Variants in KCNQ3 observed in about 807,000 individuals in gnomAD.
The protein encoded by KCNQ3 is potassium voltage-gated channel subfamily KQT member 3.
KCNQ3 carries 30 observed loss-of-function variants against 92.5 expected under a neutral mutation model. The ratio of observed to expected loss-of-function variants is 0.32; its 90% CI spans 0.24 to 0.44. The LOEUF is 0.44. KCNQ3 is among the 20% of genes least tolerant of loss of function. KCNQ3 has a pLI of 1.00. For missense variants in KCNQ3, 913 were observed against 1,140.3 expected (o/e 0.80, Z 2.87); for synonymous variants, 450 against 468.8 (o/e 0.96, Z 0.52).
chr8:132,352,717 C>T (rs1186128163), intron 1 of KCNQ3, among the ~76,000 whole-genome samples: 1 of 152,168 alleles, frequency 6.6e-6, no homozygotes, highest in East Asian at 1.9e-4. Context: ...GCTATTTTAA[C>T]ACTGTTGTGG....
At chr8:132,192,881 A>T (rs1827201014) in intron 1 of KCNQ3, among the ~76,000 whole-genome samples, 1 of 152,192 alleles carries the variant, frequency 6.6e-6, no homozygotes, top group Admixed American at 6.5e-5. Context: ...TCCTGACCAC[A>T]GGTGATCCAC....
intron 1 of KCNQ3, among the ~76,000 whole-genome samples, chr8:132,403,016 CA>C (rs375099145): frequency 1.5e-5 from 1 of 67,632 alleles, no homozygotes; most frequent in Non-Finnish European, 2.4e-5. Flanking sequence ...GGCACCATCA[CA>C]AAAAAAAAAA....
chr8:132,233,713 C>CT (rs1215346850), intron 1 of KCNQ3, among the ~76,000 whole-genome samples: 1 of 152,180 alleles, frequency 6.6e-6, no homozygotes, highest in Non-Finnish European at 1.5e-5. Context: ...AGACATCAGC[C>CT]TAAACGGGTC....
intron 1 of KCNQ3, among the ~76,000 whole-genome samples, chr8:132,434,980 T>C (rs1821353937): frequency 6.6e-6 from 1 of 152,214 alleles, no homozygotes; most frequent in Non-Finnish European, 1.5e-5. Flanking sequence ...AGTTCAGCTC[T>C]CTTAAACCTA....
At chr8:132,310,874 G>A (rs1222863553) in intron 1 of KCNQ3, among the ~76,000 whole-genome samples, 1 of 152,028 alleles carries the variant, frequency 6.6e-6, no homozygotes, top group Non-Finnish European at 1.5e-5. Context: ...GAAAAATACT[G>A]GTGACCACTG....
chr8:132,277,060 TAAAC>T (rs1816356419), intron 1 of KCNQ3, among the ~76,000 whole-genome samples: 1 of 151,566 alleles, frequency 6.6e-6, no homozygotes, highest in Non-Finnish European at 1.5e-5. Context: ...AAAAACATAA[TAAAC>T]AATAATTTTT....
chr8:132,150,213 C>T (rs561623257), intron 9 of KCNQ3, among the ~76,000 whole-genome samples: 4 of 152,210 alleles, frequency 2.6e-5, no homozygotes, highest in Admixed American at 6.5e-5. Flanking sequence ...GTGCTTTGCA[C>T]GTCTTTCTGT....
chr8:132,133,956 T>C (rs1027568237), intron 13 of KCNQ3, among the ~76,000 whole-genome samples: 1 of 152,204 alleles, frequency 6.6e-6, no homozygotes, highest in Non-Finnish European at 1.5e-5. Context: ...GAGAATGCTC[T>C]GGGTTCTGCT....
chr8:132,154,192 A>ATTTTTTT (rs1563775830), intron 9 of KCNQ3, among the ~76,000 whole-genome samples: 1 of 104,478 alleles, frequency 9.6e-6, no homozygotes, highest in Non-Finnish European at 2.0e-5. Context: ...AAAGGGTAAA[A>ATTTTTTT]GTTTTTTTTT....
At chr8:132,265,308 T>C (rs1482919511) in intron 1 of KCNQ3, among the ~76,000 whole-genome samples, 1 of 152,258 alleles carries the variant, frequency 6.6e-6, no homozygotes, top group Non-Finnish European at 1.5e-5. Context: ...TTGCTTGTAA[T>C]GGCAAGGCCA....
At chr8:132,441,942 G>A (rs1415131614) in intron 1 of KCNQ3, among the ~76,000 whole-genome samples, 5 of 152,134 alleles carry the variant, frequency 3.3e-5, no homozygotes, top group Non-Finnish European at 7.3e-5. Flanking sequence ...GATGGAGCTG[G>A]AGGCCATTAT....
intron 1 of KCNQ3, among the ~76,000 whole-genome samples, chr8:132,465,943 C>T (rs192206858): frequency 3.8e-4 from 58 of 152,052 alleles, no homozygotes; most frequent in Admixed American, 2.4e-3. Flanking sequence ...ATAAAACAAA[C>T]GACAGGAATA....
chr8:132,332,038 T>G (rs2130663405), intron 1 of KCNQ3, among the ~76,000 whole-genome samples: 1 of 152,336 alleles, frequency 6.6e-6, no homozygotes, highest in Non-Finnish European at 1.5e-5. Context: ...AGTGACTTGC[T>G]TATAATGCAT....
chr8:132,133,661 T>C lies in KCNQ3; in HGVS notation c.1799+629A>G, dbSNP rs1037666101. ...AAGCCACCATGCCCGGCCTCTTGAT[T>C]CTTTTATAAGTGGAAGGTTCATAAT... On this transcript the variant is annotated intron_variant, in intron 13 of 14. Coordinates refer to ENST00000388996, the MANE Select transcript of KCNQ3 (RefSeq NM_004519.4). Among the ~76,000 whole-genome samples the C allele has an allele frequency of 4.6e-5, 7 of 152,192 alleles. No individual in the cohort carries two copies. In the East Asian group the frequency reaches 1.3e-3, roughly 29 times the overall value.
At chr8:132,475,171 T>C (rs9643289) in intron 1 of KCNQ3, among the ~76,000 whole-genome samples, 4,354 of 152,306 alleles carry the variant, frequency 0.029, 386 homozygotes, top group East Asian at 0.28. Flanking sequence ...TAAACCTCTT[T>C]CCTTTATAAA....
intron 1 of KCNQ3, among the ~76,000 whole-genome samples, chr8:132,393,671 C>T (rs1052784094): frequency 2.0e-5 from 3 of 152,148 alleles, no homozygotes; most frequent in Non-Finnish European, 4.4e-5. Flanking sequence ...GTCAAGTGAT[C>T]TTTCAATCAT....
intron 1 of KCNQ3, among the ~76,000 whole-genome samples, chr8:132,260,006 A>T (rs906268918): frequency 2.6e-5 from 4 of 152,206 alleles, no homozygotes; most frequent in Non-Finnish European, 5.9e-5. Flanking sequence ...TTAAAAAGTT[A>T]AATAAATATT....
chr8:132,401,296 AC>A (rs1820325557), intron 1 of KCNQ3, among the ~76,000 whole-genome samples: 1 of 152,106 alleles, frequency 6.6e-6, no homozygotes, highest in Non-Finnish European at 1.5e-5. Context: ...TGTGGATTTC[AC>A]CCACTTCCAC....
At chr8:132,383,269 G>A (rs73345973) in intron 1 of KCNQ3, among the ~76,000 whole-genome samples, 2,002 of 152,334 alleles carry the variant, frequency 0.013, 57 homozygotes, top group African/African-American at 0.046. Flanking sequence ...GAGGCCACAC[G>A]GCAGGCAGGG....
Sources: gnomAD v4.1 joint callset for allele counts (sites outside exome capture counted in the v4.1 genomes callset) on GRCh38, gnomAD v4.1.1 for gene constraint, MANE v1.5 for transcripts, NCBI Gene and HGNC (gene_info 2026-07-23, HGNC 2026-07-21) for gene names.